The following SDK1 variants were observed in gnomAD, a reference collection of about 807,000 sequenced individuals.
SDK1 encodes the protein sidekick cell adhesion molecule 1, also known as protein sidekick-1.
A neutral mutation model predicts 245.5 loss-of-function variants in SDK1; 157 were observed. That is an observed-to-expected ratio of 0.64 (90% CI 0.56 to 0.73). SDK1 has a LOEUF of 0.73. Among genes scored for constraint, SDK1 ranks in the 30% least tolerant of loss-of-function variants. The pLI, the probability that SDK1 is intolerant of heterozygous loss-of-function variation, is 0.00. For missense variants in SDK1, 3,583 were observed against 3,002.3 expected, an observed-to-expected ratio of 1.19 and a Z score of -4.52; for synonymous variants, 1,647 against 1,278.5, an observed-to-expected ratio of 1.29 and a Z score of -6.15.
At chr7:3,728,099 G>A (rs1043340566) in intron 4 of SDK1, among the ~76,000 whole-genome samples, 1 of 152,184 alleles carries the variant, frequency 6.6e-6, no homozygotes, top group African/African-American at 2.4e-5. Context: ...GTTTGAGGAG[G>A]AAGACAGCAG....
rs1784891533 is a variant in SDK1, at chr7:4,217,497, A to ACCACCCGGAGCACCAGG, written c.5540-2597_5540-2596insGGCCACCCGGAGCACCA. On this transcript the variant is annotated intron_variant, in intron 38 of 44. Coordinates refer to ENST00000404826, the MANE Select transcript of SDK1 (RefSeq NM_152744.4). Reference sequence around the variant, plus strand: ...AGCACCAGGCCACCCGGAGCACCACACCACCCGGAGCACCACACCACCCGG... The same window carrying ACCACCCGGAGCACCAGG: ...AGCACCAGGCCACCCGGAGCACCACACCACCCGGAGCACCAGGCCACCCGGAGCACCACACCACCCGG... 3.0e-4 allele frequency among the ~76,000 whole-genome samples: 9 copies of ACCACCCGGAGCACCAGG among 30,256 alleles called. 1 individual carries two copies. The highest frequency in any genetic ancestry group is 1.1e-3 in the East Asian group (1 of 878). 19.8% of individuals were successfully genotyped at this position (30,256 alleles called of 152,430 possible). A position where few individuals can be genotyped will look rare whatever the true frequency, so the allele number is the denominator to read the frequency against.
intron 5 of SDK1, among the ~76,000 whole-genome samples, chr7:3,882,407 C>T (rs186961567): frequency 2.6e-5 from 4 of 152,274 alleles, no homozygotes; most frequent in East Asian, 3.9e-4. Flanking sequence ...GACCCTGATG[C>T]GGGAGGCCCC....
chr7:4,067,817 G>C, intron 19 of SDK1, 21 bp from the exon 20 acceptor site: 1 of 1,588,706 alleles, frequency 6.3e-7, no homozygotes, highest in Non-Finnish European at 8.6e-7. Flanking sequence ...GTTAACAGAT[G>C]ACTTTGCTTT....
intron 25 of SDK1, among the ~76,000 whole-genome samples, chr7:4,126,062 C>A (rs1784375053): frequency 6.6e-6 from 1 of 152,158 alleles, no homozygotes; most frequent in African/African-American, 2.4e-5. Flanking sequence ...AGAGTGAACC[C>A]CCGAATGGGA....
At chr7:3,871,268 A>T (rs941452965) in intron 5 of SDK1, among the ~76,000 whole-genome samples, 2 of 151,572 alleles carry the variant, frequency 1.3e-5, no homozygotes, top group Non-Finnish European at 2.9e-5. Context: ...TTGACCTTTT[A>T]TCTCGCCATC....
intron 42 of SDK1, 79 bp from the exon 43 acceptor site, chr7:4,241,714 G>T (rs532845529): frequency 5.1e-6 from 8 of 1,580,362 alleles, no homozygotes; most frequent in Non-Finnish European, 4.3e-6. Context: ...GAGCTGCCCC[G>T]CTGGCCAGCT....
chr7:4,084,718 T>G (rs1781318854), intron 22 of SDK1, among the ~76,000 whole-genome samples: 1 of 120,288 alleles, frequency 8.3e-6, no homozygotes, highest in Non-Finnish European at 1.8e-5. Context: ...TATGTTATGT[T>G]ATGTTATGTT....
intron 14 of SDK1, among the ~76,000 whole-genome samples, chr7:3,988,215 C>T (rs1784028726): frequency 6.7e-6 from 1 of 148,220 alleles, no homozygotes; most frequent in Non-Finnish European, 1.5e-5. Flanking sequence ...TTCTATATTC[C>T]TCTGCCAGAA....
Position 4,114,143 on chromosome 7 carries a change from A to G in SDK1, c.3692A>G (p.Asp1231Gly). The change falls in exon 25 of 45, where the codon GAC becomes GGC. Residue 1231 changes from aspartate to glycine, a missense_variant. By Grantham distance (94) the Asp-to-Gly change is moderately conservative (BLOSUM62 -1). Coordinates refer to ENST00000404826, the MANE Select transcript of SDK1 (RefSeq NM_152744.4). ...QSSAVAQVVS[D>G]RLEREFTIEE... ...TCAGCAGTGGCCCAAGTCGTCAGTG[A>G]CCGGCTGGAGAGAGAATTCACCATC... is the stretch of plus-strand genomic sequence containing the variant. The G allele has an allele frequency of 6.2e-7, 1 of 1,614,230 alleles. No homozygotes were observed.
chr7:3,995,626 G>A (rs1184458744), intron 14 of SDK1, among the ~76,000 whole-genome samples: 2 of 152,140 alleles, frequency 1.3e-5, no homozygotes, highest in African/African-American at 2.4e-5. Flanking sequence ...CCAACTACAC[G>A]AAGATACCCT....
chr7:4,170,085 G>A (rs1781745917), intron 32 of SDK1, among the ~76,000 whole-genome samples: 2 of 152,162 alleles, frequency 1.3e-5, no homozygotes, highest in African/African-American at 2.4e-5. Context: ...TTCTAAGAAG[G>A]TTAAGTAAAC....
At chr7:3,573,079 C>T (rs1395274218) in intron 1 of SDK1, among the ~76,000 whole-genome samples, 1 of 152,026 alleles carries the variant, frequency 6.6e-6, no homozygotes, top group African/African-American at 2.4e-5. Context: ...GGTGTGGGCC[C>T]TGACCCTCAG....
At chr7:3,877,106 CA>C in intron 5 of SDK1, among the ~76,000 whole-genome samples, 1 of 152,292 alleles carries the variant, frequency 6.6e-6, no homozygotes, top group South Asian at 2.1e-4. Context: ...ACCAGAGAGG[CA>C]TGGATACAAA....
intron 14 of SDK1, among the ~76,000 whole-genome samples, chr7:4,004,994 T>G (rs868722713): frequency 6.0e-5 from 9 of 150,000 alleles, no homozygotes; most frequent in South Asian, 2.2e-4. Flanking sequence ...CCCCAAGTCC[T>G]AGATTAGGAT....
chr7:3,662,228 A>C (rs571492755), intron 4 of SDK1, among the ~76,000 whole-genome samples: 1 of 152,302 alleles, frequency 6.6e-6, no homozygotes, highest in East Asian at 1.9e-4. Context: ...ATCAGTGTTG[A>C]AATGGGTCCT....
chr7:4,051,956 A>G, intron 19 of SDK1, 126 bp downstream of exon 19: 1 of 779,082 alleles, frequency 1.3e-6, no homozygotes, highest in Non-Finnish European at 2.0e-6. Context: ...GAGTGCTTGC[A>G]GTCAGCTCAC....
At chr7:3,653,738 G>A (rs564704466) in intron 4 of SDK1, among the ~76,000 whole-genome samples, 1 of 152,082 alleles carries the variant, frequency 6.6e-6, no homozygotes, top group African/African-American at 2.4e-5. Flanking sequence ...CTGTGATGAG[G>A]GTTTGCTCTA....
chr7:3,596,030 T>G (rs573188330), intron 1 of SDK1, among the ~76,000 whole-genome samples: 1 of 151,724 alleles, frequency 6.6e-6, no homozygotes, highest in East Asian at 1.9e-4. Context: ...TTTATTAAAA[T>G]ATTTCCTCCT....
At chr7:3,354,616 G>T (rs972803602) in intron 1 of SDK1, among the ~76,000 whole-genome samples, 1 of 152,038 alleles carries the variant, frequency 6.6e-6, no homozygotes, top group Non-Finnish European at 1.5e-5. Flanking sequence ...TTTTTTTCAT[G>T]TGTATCAAAG....
Sources: allele counts gnomAD v4.1 joint callset (sites outside exome capture counted in the v4.1 genomes callset), GRCh38; gene constraint gnomAD v4.1.1; transcripts MANE v1.5; gene names NCBI Gene and HGNC (gene_info 2026-07-23, HGNC 2026-07-21).